PHYHIPL: variants seen among roughly 807,000 people sequenced by gnomAD.
PHYHIPL encodes phytanoyl-CoA 2-hydroxylase interacting protein like.
PHYHIPL carries 9 observed loss-of-function variants against 33.4 expected under a neutral mutation model. The observed-to-expected ratio is 0.27, with a 90% CI of 0.16 to 0.47. The LOEUF (loss-of-function observed/expected upper bound fraction) is 0.47. Among genes scored for constraint, PHYHIPL ranks in the 20% least tolerant of loss-of-function variants. The pLI is 0.99. For synonymous variants in PHYHIPL, 153 were observed against 154.1 expected (o/e 0.99, Z 0.05); for missense variants, 365 against 460.7 (o/e 0.79, Z 1.90).
At chr10:59,244,680 A>G (rs1840583584) in intron 4 of PHYHIPL, among the ~76,000 whole-genome samples, 1 of 151,850 alleles carries the variant, frequency 6.6e-6, no homozygotes, top group Non-Finnish European at 1.5e-5. Context: ...CATTCAATAT[A>G]TTTAACCAAT....
At chr10:59,182,434 C>T (rs1838436173) in intron 1 of PHYHIPL, among the ~76,000 whole-genome samples, 1 of 152,168 alleles carries the variant, frequency 6.6e-6, no homozygotes, top group Non-Finnish European at 1.5e-5. Flanking sequence ...CCTCCGCCTT[C>T]TGGTTTCACG....
upstream of PHYHIPL, among the ~76,000 whole-genome samples, chr10:59,175,489 A>C (rs1054738414): frequency 5.3e-5 from 8 of 152,252 alleles, no homozygotes; most frequent in Admixed American, 2.6e-4. Context: ...TTTGAAATGG[A>C]AAATCAATAA....
At chr10:59,210,359 A>G (rs978183852) in intron 1 of PHYHIPL, among the ~76,000 whole-genome samples, 1 of 152,252 alleles carries the variant, frequency 6.6e-6, no homozygotes, top group African/African-American at 2.4e-5. Context: ...AGAAATGCAA[A>G]TCAAAACCAC....
chr10:59,216,221 C>T (rs940923784), intron 1 of PHYHIPL, among the ~76,000 whole-genome samples: 6 of 152,046 alleles, frequency 3.9e-5, no homozygotes, highest in African/African-American at 7.2e-5. Context: ...TTCTTAGTCA[C>T]GCTACCTATT....
intron 1 of PHYHIPL, among the ~76,000 whole-genome samples, chr10:59,187,556 G>T (rs374790659): frequency 3.3e-3 from 498 of 152,296 alleles, no homozygotes; most frequent in Middle Eastern, 0.031. Context: ...GCTCCTGCTT[G>T]TACCTCTGGT....
chr10:59,212,654 G>A (rs555454988), intron 1 of PHYHIPL, among the ~76,000 whole-genome samples: 3 of 152,172 alleles, frequency 2.0e-5, no homozygotes, highest in East Asian at 1.9e-4. Flanking sequence ...CAGCACCAGC[G>A]CTGCTCTGAA....
chr10:59,188,352 C>G (rs1173962465), intron 1 of PHYHIPL, among the ~76,000 whole-genome samples: 2 of 152,070 alleles, frequency 1.3e-5, no homozygotes, highest in African/African-American at 4.8e-5. Flanking sequence ...AATTTCTGTT[C>G]TTTTACATTT....
intron 1 of PHYHIPL, among the ~76,000 whole-genome samples, chr10:59,216,607 G>A (rs1462855618): frequency 1.3e-5 from 2 of 151,988 alleles, no homozygotes; most frequent in African/African-American, 4.8e-5. Flanking sequence ...AAACCTCATC[G>A]GGGGTAAAGG....
At chr10:59,196,895 T>C (rs1838937538) in intron 1 of PHYHIPL, among the ~76,000 whole-genome samples, 1 of 152,248 alleles carries the variant, frequency 6.6e-6, no homozygotes, top group Non-Finnish European at 1.5e-5. Flanking sequence ...TACTCTTTAT[T>C]GTCAAAAAGA....
At position 59,247,234 on chromosome 10, in the gene PHYHIPL, A is replaced by C. The variant is rs772823565; in HGVS notation, c.*1643A>C. 4.8e-5 allele frequency: 8 copies of C among 166,770 alleles called. No homozygotes were observed. The highest frequency in any genetic ancestry group is 1.9e-4 in the African/African-American group (8 of 41,870). The allele number at this position is 166,770 out of a possible 1,614,324, so 10.3% of individuals were successfully genotyped here. ...CTCCTATGATTGATTTTTTAAAATCATGCTCTTTTCCATACATCAACATAA... is the reference window on the plus strand; with the variant it reads ...CTCCTATGATTGATTTTTTAAAATCCTGCTCTTTTCCATACATCAACATAA... On this transcript the variant is annotated 3_prime_UTR_variant, in exon 5 of 5. Transcript: ENST00000373880.
chr10:59,242,258 G>A (rs1840426569), intron 4 of PHYHIPL, among the ~76,000 whole-genome samples: 1 of 152,120 alleles, frequency 6.6e-6, no homozygotes, highest in Admixed American at 6.6e-5. Context: ...CTGATCTAGA[G>A]TATGTTAGCA....
Position 59,234,507 on chromosome 10 carries a change from T to C in PHYHIPL, c.303+7T>C. 6.6e-7 allele frequency: 1 copy of C among 1,525,068 alleles called. No homozygotes were observed. Among genetic ancestry groups the C allele is most frequent in the Admixed American group, 2.4e-5 (1 of 41,616 alleles). 94.5% of individuals were successfully genotyped at this position (1,525,068 alleles called of 1,614,324 possible). ...CAATAAATTTAAACACAAGGTAAAA[T>C]CTAACAAATACTCATGCTAATTTGC... On this transcript the variant is annotated splice_region_variant and intron_variant, in intron 2 of 4. Coordinates refer to ENST00000373880, the MANE Select transcript of PHYHIPL (RefSeq NM_032439.4).
intron 1 of PHYHIPL, among the ~76,000 whole-genome samples, chr10:59,231,261 G>T (rs886331905): frequency 6.6e-6 from 1 of 151,980 alleles, no homozygotes; most frequent in East Asian, 1.9e-4. Context: ...AGTAAATGTA[G>T]ACAGGCCTAA....
At chr10:59,229,644 A>T (rs897606201) in intron 1 of PHYHIPL, among the ~76,000 whole-genome samples, 3 of 152,052 alleles carry the variant, frequency 2.0e-5, no homozygotes, top group Non-Finnish European at 4.4e-5. Flanking sequence ...GTCTCCAGGG[A>T]TGCCATGTGG....
In PHYHIPL at chr10:59,224,130, C is replaced by T. The variant is rs11006404; in HGVS notation, c.107-10174C>T. On this transcript the variant is annotated intron_variant, in intron 1 of 4. Coordinates refer to ENST00000373880, the MANE Select transcript of PHYHIPL (RefSeq NM_032439.4). ...CCCAGTTTAGTTTCTTGTTGGGCTT[C>T]TAGTTTGAATATTGTGTTATACGGG... Among the ~76,000 whole-genome samples, 4 of 152,192 alleles carry T rather than the reference C, an allele frequency of 2.6e-5. No individual in the cohort carries two copies. In the East Asian group the frequency reaches 7.7e-4, roughly 29 times the overall value.
chr10:59,237,040 G>C (rs1840249255), intron 3 of PHYHIPL, among the ~76,000 whole-genome samples: 1 of 145,946 alleles, frequency 6.9e-6, no homozygotes, highest in Non-Finnish European at 1.5e-5. Context: ...AGTACTGAAA[G>C]ACAGAAACTA....
At chr10:59,181,128 T>C (rs1838403809) in intron 1 of PHYHIPL, among the ~76,000 whole-genome samples, 1 of 152,192 alleles carries the variant, frequency 6.6e-6, no homozygotes, top group South Asian at 2.1e-4. Flanking sequence ...CCTGTAGGAT[T>C]GTTTAAATAA....
Position 59,176,953 on chromosome 10 carries a change from CG to C in PHYHIPL, c.103del (p.Asp35ThrfsTer10). The part of the protein sequence containing the change: ...LSLEAIQLCD[R>X]DGNKSQDSGI... ...CCTGGAGGCCATTCAGCTGTGCGACCGGGACGGTAAGAGCGGCCGGGACCGC... is the reference window on the plus strand; with the variant it reads ...CCTGGAGGCCATTCAGCTGTGCGACCGGACGGTAAGAGCGGCCGGGACCGC... On this transcript the variant is annotated frameshift_variant, in exon 1 of 5. Transcript: ENST00000373880. LOFTEE classifies it high-confidence loss of function. The C allele has an allele frequency of 6.2e-7, 1 of 1,612,940 alleles. No homozygotes were observed. Among genetic ancestry groups the C allele is most frequent in the South Asian group, 1.1e-5 (1 of 90,938 alleles).
chr10:59,238,661 T>C lies in PHYHIPL; in HGVS notation c.552T>C (p.Ser184=). 6.2e-7 allele frequency: 1 copy of C among 1,607,192 alleles called. No homozygotes were observed. Reference sequence around the variant, plus strand: ...TTGCAGGACGCATGCTTAAGTTTTCTGTTTTTTATCGTAATCAGCACAAAG... The same window carrying C: ...TTGCAGGACGCATGCTTAAGTTTTCCGTTTTTTATCGTAATCAGCACAAAG... ...EVIAGRMLKF[S]VFYRNQHKEY... is the part of the protein sequence containing the mutation. The change falls in exon 4 of 5, where the codon TCT becomes TCC. Residue 184 remains serine, a synonymous_variant. Coordinates refer to ENST00000373880, the MANE Select transcript of PHYHIPL (RefSeq NM_032439.4).
Sources: gnomAD v4.1 joint callset for allele counts (sites outside exome capture counted in the v4.1 genomes callset) on GRCh38, gnomAD v4.1.1 for gene constraint, MANE v1.5 for transcripts, NCBI Gene and HGNC (gene_info 2026-07-23, HGNC 2026-07-21) for gene names.